Variants in DMXL1 observed in about 807,000 individuals in gnomAD.
The protein encoded by DMXL1 is dmX-like protein 1.
In DMXL1, 99 loss-of-function variants were observed where a neutral mutation model predicts 319.2. The ratio of observed to expected loss-of-function variants is 0.31; its 90% confidence interval spans 0.26 to 0.37. The LOEUF is 0.37. DMXL1 is among the 10% of genes least tolerant of loss of function. The pLI, the probability that DMXL1 is intolerant of heterozygous loss-of-function variation, is 1.00. For synonymous variants in DMXL1, 1,385 were observed against 1,235.2 expected, an observed-to-expected ratio of 1.12 and a Z score of -2.54; for missense variants, 3,745 against 3,595.6, an observed-to-expected ratio of 1.04 and a Z score of -1.06.
rs181483144 is a variant in DMXL1 at position 119,173,720 on chromosome 5, A to G, written c.6682-1541A>G. Among the ~76,000 whole-genome samples, 674 of 114,936 alleles carry G rather than the reference A, an allele frequency of 5.9e-3. 6 individuals carry two copies. The highest frequency in any genetic ancestry group is 6.3e-3 in the Non-Finnish European group (343 of 54,330). 75.4% of individuals were successfully genotyped at this position (114,936 alleles called of 152,430 possible). On this transcript the variant is annotated intron_variant, in intron 25 of 43. Transcript: ENST00000539542. Reference sequence around the variant, plus strand: ...TGTGTATATATATATGTGTGTGTGTATATATATATATGTGTGTATATATAT... The same window carrying G: ...TGTGTATATATATATGTGTGTGTGTGTATATATATATGTGTGTATATATAT...
intron 19 of DMXL1, among the ~76,000 whole-genome samples, chr5:119,157,328 G>A (rs1228042935): frequency 6.6e-6 from 1 of 152,130 alleles, no homozygotes; most frequent in Non-Finnish European, 1.5e-5. Context: ...TCAGTTTGAT[G>A]TCATCCCATT....
intron 13 of DMXL1, among the ~76,000 whole-genome samples, chr5:119,135,638 C>G (rs1322746478): frequency 1.3e-5 from 2 of 152,034 alleles, no homozygotes; most frequent in Non-Finnish European, 2.9e-5. Context: ...GTTCTCCCAT[C>G]CTGTTCTCAT....
chr5:119,074,309 A>G (rs1750328598), intron 1 of DMXL1, among the ~76,000 whole-genome samples: 1 of 152,234 alleles, frequency 6.6e-6, no homozygotes, highest in Non-Finnish European at 1.5e-5. Context: ...GAAGACTAAA[A>G]TATCCCTCAG....
intron 28 of DMXL1, among the ~76,000 whole-genome samples, chr5:119,186,398 C>T (rs1371099722): frequency 2.0e-5 from 3 of 152,118 alleles, no homozygotes; most frequent in Non-Finnish European, 4.4e-5. Flanking sequence ...GCTGGGACTA[C>T]AGGCATGTGC....
Position 119,147,452 on chromosome 5 carries a change from A to T in DMXL1, c.2893A>T (p.Ser965Cys), listed in dbSNP as rs1393899682. 6.2e-7 allele frequency: 1 copy of T among 1,613,170 alleles called. No homozygotes were observed. The highest frequency in any genetic ancestry group is 2.2e-5 in the East Asian group (1 of 44,848). Residue 965 changes from serine to cysteine, a missense_variant, in exon 17 of 44, where the codon AGT becomes TGT. By Grantham distance (112) the Ser-to-Cys change is moderately radical. Around this residue, in one of 4 missense-constraint regions of DMXL1, gnomAD observed 2,096 missense variants for 1,985.4 expected, o/e 1.06. Coordinates refer to ENST00000539542, the MANE Select transcript of DMXL1 (RefSeq NM_001290321.3). ...TTTACCAGAAGGAGTTGAGATAATAAGTATTAAGCCATCAGCAGGTTTGTA... is the reference window on the plus strand; with the variant it reads ...TTTACCAGAAGGAGTTGAGATAATATGTATTAAGCCATCAGCAGGTTTGTA... ...LHLPEGVEIISIKPSAGHLSS... is the reference protein window; with the variant it reads ...LHLPEGVEIICIKPSAGHLSS...
rs942835950 is a variant in DMXL1, at chr5:119,247,429, G to T, written c.*210G>T. ...ACATTGCCTAAAGTAGAATGTGTAA[G>T]TAATGCTGTAATAATACATATCATA... On this transcript the variant is annotated 3_prime_UTR_variant, in exon 44 of 44. Coordinates refer to ENST00000539542, the MANE Select transcript of DMXL1 (RefSeq NM_001290321.3). 9.1e-6 allele frequency: 4 copies of T among 441,626 alleles called. No homozygotes were observed. Among genetic ancestry groups the T allele is most frequent in the African/African-American group, 7.8e-5 (4 of 51,056 alleles). The allele number at this position is 441,626 out of a possible 1,614,324, so 27.4% of individuals were successfully genotyped here.
chr5:119,132,692 G>T (rs114228328), intron 10 of DMXL1: 3 of 437,614 alleles, frequency 6.9e-6, no homozygotes, highest in Non-Finnish European at 9.0e-6. Flanking sequence ...AAAAAAAAAT[G>T]GAGCAAGTCC....
chr5:119,170,468 A>C lies in DMXL1; in HGVS notation c.5677A>C (p.Arg1893=), dbSNP rs916261755. ...CATCAAGAAAACAAGACCTTTTTATAGGGCTTCTAGTTTTCTGGATACTAG... is the reference window on the plus strand; with the variant it reads ...CATCAAGAAAACAAGACCTTTTTATCGGGCTTCTAGTTTTCTGGATACTAG... ...KVIKKTRPFY[R]ASSFLDTSKD... Residue 1893 remains arginine, a synonymous_variant, in exon 24 of 44, where the codon AGG becomes CGG. Coordinates refer to ENST00000539542, the MANE Select transcript of DMXL1 (RefSeq NM_001290321.3). 6.2e-7 allele frequency: 1 copy of C among 1,613,778 alleles called. No homozygotes were observed. Among genetic ancestry groups the C allele is most frequent in the Non-Finnish European group, 8.5e-7 (1 of 1,179,884 alleles).
At position 119,167,684 on chromosome 5, in the gene DMXL1, G is replaced by A. The variant is rs202172973; in HGVS notation, c.5218G>A (p.Ala1740Thr). Residue 1740 changes from alanine to threonine, a missense_variant, in exon 23 of 44, where the codon GCA becomes ACA. Ala to Thr is a moderately conservative substitution (Grantham distance 58). This residue lies in a region of DMXL1 where 1,382 missense variants were observed against 1,269.5 expected (regional missense o/e 1.09). Transcript: ENST00000539542. ...LYESEFDTSA[A>T]YKSILRKKVL... is the part of the protein sequence containing the mutation. ...TGAGTCTGAATTTGATACATCTGCA[G>A]CATATAAATCTATTTTACGTAAAAA... 6.2e-7 allele frequency: 1 copy of A among 1,613,268 alleles called. No individual in the cohort carries two copies. The highest frequency in any genetic ancestry group is 1.7e-5 in the Admixed American group (1 of 59,976).
rs139743086 is a variant in DMXL1, at chr5:119,182,149, A to C, written c.7135+3905A>C. 5.4e-3 allele frequency among the ~76,000 whole-genome samples: 819 copies of C among 152,320 alleles called. 3 individuals carry two copies. The highest frequency in any genetic ancestry group is 0.019 in the African/African-American group (790 of 41,564). On this transcript the variant is annotated intron_variant, in intron 28 of 43. Coordinates refer to ENST00000539542, the MANE Select transcript of DMXL1 (RefSeq NM_001290321.3). ...ATTGATGTGCCAAGAGTCTAATTGC[A>C]TTAAGTAATGTTCAATATACATTGT...
rs1765444748 is a variant in DMXL1, at chr5:119,133,878, T to G, written c.1954T>G (p.Leu652Val). 6.2e-7 allele frequency: 1 copy of G among 1,614,062 alleles called. No individual in the cohort carries two copies. Among genetic ancestry groups the G allele is most frequent in the Non-Finnish European group, 8.5e-7 (1 of 1,180,038 alleles). Reference protein sequence around the residue: ...DLACHSVLPLLLTTSHHNALR... With the variant: ...DLACHSVLPLVLTTSHHNALR... ...AGCTTGCCACTCAGTATTACCATTATTGCTGACAACATCACACCATAATGC... is the reference window on the plus strand; with the variant it reads ...AGCTTGCCACTCAGTATTACCATTAGTGCTGACAACATCACACCATAATGC... Residue 652 changes from leucine (L) to valine (V), a missense_variant, in exon 12 of 44, where the codon TTG becomes GTG. Coordinates refer to ENST00000539542, the MANE Select transcript of DMXL1 (RefSeq NM_001290321.3).
In DMXL1 at chr5:119,202,948, A is replaced by G. The variant is rs569924834; in HGVS notation, c.7746-371A>G. 2.4e-4 allele frequency among the ~76,000 whole-genome samples: 35 copies of G among 145,762 alleles called. No individual in the cohort carries two copies. The East Asian group carries it at 4.9e-3, about 20-fold the overall frequency. On this transcript the variant is annotated intron_variant, in intron 32 of 43. Transcript: ENST00000539542. ...ATATATAATTTCTTACCTTCAGGTT[A>G]TGCATATAAGATGTATATGAAACAT...
At chr5:119,108,645 C>T (rs183342022) in intron 4 of DMXL1, among the ~76,000 whole-genome samples, 1 of 152,140 alleles carries the variant, frequency 6.6e-6, no homozygotes, top group Admixed American at 6.5e-5. Context: ...GTCTTGAACT[C>T]CTGGGCTCAA....
chr5:119,081,563 T>G, intron 1 of DMXL1: 1 of 985,344 alleles, frequency 1.0e-6, no homozygotes, highest in Non-Finnish European at 1.2e-6. Flanking sequence ...GGTTAAGTTT[T>G]GTTTTTATAG....
chr5:119,132,938 T>C, intron 10 of DMXL1, 194 bp from the exon 11 acceptor site: 1 of 618,776 alleles, frequency 1.6e-6, no homozygotes. Context: ...TTTACTGGTT[T>C]ACTTAAAGTA....
At chr5:119,162,132 G>A (rs942350549) in intron 19 of DMXL1, among the ~76,000 whole-genome samples, 2 of 152,098 alleles carry the variant, frequency 1.3e-5, no homozygotes, top group Non-Finnish European at 2.9e-5. Context: ...TTTTCTTCTT[G>A]TACCGCAAGC....
At chr5:119,099,045 T>C (rs1194142939) in intron 2 of DMXL1, among the ~76,000 whole-genome samples, 1 of 152,222 alleles carries the variant, frequency 6.6e-6, no homozygotes, top group Non-Finnish European at 1.5e-5. Context: ...GGACTACTGT[T>C]CTTTTTGTTA....
chr5:119,115,011 G>A (rs1339345842), intron 6 of DMXL1, among the ~76,000 whole-genome samples: 3 of 152,160 alleles, frequency 2.0e-5, no homozygotes, highest in Non-Finnish European at 2.9e-5. Context: ...TTATTGTGGT[G>A]TTAAAAGACT....
In DMXL1 at chr5:119,240,339, A is replaced by G. The variant is rs1382037885; in HGVS notation, c.8652-80A>G. The G allele has an allele frequency of 6.2e-6, 6 of 961,372 alleles. No individual in the cohort carries two copies. The East Asian group carries it at 9.8e-5, about 16-fold the overall frequency. 59.6% of individuals were successfully genotyped at this position (961,372 alleles called of 1,614,324 possible). ...AACCTTCTGTGACAGCAAGGTTTAA[A>G]GGTCACACAGTTATATATGACATAT... On this transcript the variant is annotated intron_variant, in intron 41 of 43. Transcript: ENST00000539542.
Sources: gnomAD v4.1 joint callset for allele counts (sites outside exome capture counted in the v4.1 genomes callset) on GRCh38, gnomAD v4.1.1 for gene constraint, gnomAD v4.1.1 regional missense constraint, MANE v1.5 for transcripts, NCBI Gene and HGNC (gene_info 2026-07-23, HGNC 2026-07-21) for gene names.